DNAH10: variants seen among roughly 807,000 people sequenced by gnomAD.
DNAH10 encodes the protein dynein axonemal heavy chain 10, also known as axonemal beta dynein heavy chain 10.
Under a neutral mutation model 506.6 loss-of-function variants are expected in DNAH10, and 348 were observed. That is an observed-to-expected ratio of 0.69 (90% CI 0.63 to 0.75). The LOEUF is 0.75. Ranked by LOEUF, DNAH10 falls within the 30% of genes least tolerant of loss-of-function variation. The pLI, the probability that DNAH10 is intolerant of heterozygous loss-of-function variation, is 0.00. For synonymous variants in DNAH10, 2,059 were observed against 2,198.6 expected (o/e 0.94, Z 1.78); for missense variants, 5,179 against 5,787.1 (o/e 0.89, Z 3.41).
intron 13 of DNAH10, among the ~76,000 whole-genome samples, chr12:123,798,485 T>G (rs1958360608): frequency 6.6e-6 from 1 of 152,132 alleles, no homozygotes; most frequent in Non-Finnish European, 1.5e-5. Flanking sequence ...AGAGAGGTGG[T>G]GCAAACCATT....
At chr12:123,845,117 C>G (rs1298634675) in intron 30 of DNAH10, among the ~76,000 whole-genome samples, 1 of 151,958 alleles carries the variant, frequency 6.6e-6, no homozygotes, top group Admixed American at 6.6e-5. Flanking sequence ...CTCCAGCGCC[C>G]CTGGAGTAGC....
Position 123,913,450 on chromosome 12 carries a change from TATC to T in DNAH10, c.10352+138_10352+140del, listed in dbSNP as rs1426959720. 2.2e-6 allele frequency: 2 copies of T among 923,776 alleles called. No individual in the cohort carries two copies. The highest frequency in any genetic ancestry group is 3.2e-6 in the Non-Finnish European group (2 of 633,162). The allele number at this position is 923,776 out of a possible 1,614,324, so 57.2% of individuals were successfully genotyped here. ...ATGTGACCAGGTCTTATGTTCCTAT[TATC>T]ATGTTTATGGCAGCTAATGGCTATT... is the stretch of plus-strand genomic sequence containing the variant. On this transcript the variant is annotated intron_variant, in intron 60 of 78. Coordinates refer to ENST00000673944, the MANE Select transcript of DNAH10 (RefSeq NM_001372106.1). The surrounding 1 kb of genome is among the most constrained non-coding windows in gnomAD (Gnocchi z 5.1).
chr12:123,796,320 A>G (rs1453117340), intron 12 of DNAH10, among the ~76,000 whole-genome samples: 1 of 152,006 alleles, frequency 6.6e-6, no homozygotes, highest in Non-Finnish European at 1.5e-5. Flanking sequence ...AGCTGGGCAT[A>G]GTGGTGGGCG....
At chr12:123,777,485 A>G (rs1451687629) in intron 5 of DNAH10, among the ~76,000 whole-genome samples, 3 of 152,202 alleles carry the variant, frequency 2.0e-5, no homozygotes, top group African/African-American at 4.8e-5. Context: ...ACGGAGTACA[A>G]GTCATCCTGT....
chr12:123,934,277 C>T (rs1259089837), intron 77 of DNAH10: 1 of 695,844 alleles, frequency 1.4e-6, no homozygotes, highest in East Asian at 2.7e-5. Flanking sequence ...GGTGCCCATT[C>T]TGACTCTGGG....
At chr12:123,821,237 CGA>C (rs746848656) in intron 24 of DNAH10, among the ~76,000 whole-genome samples, 2 of 149,960 alleles carry the variant, frequency 1.3e-5, no homozygotes, top group Non-Finnish European at 3.0e-5. Context: ...GCGACAAGAG[CGA>C]AACTCCATCT....
Position 123,929,738 on chromosome 12 carries a change from C to T in DNAH10, c.12591C>T (p.Ser4197=), listed in dbSNP as rs1242893906. 6.2e-6 allele frequency: 10 copies of T among 1,612,714 alleles called. No homozygotes were observed. Among genetic ancestry groups the T allele is most frequent in the Non-Finnish European group, 8.5e-6 (10 of 1,179,500 alleles). The change falls in exon 72 of 79, where the codon AGC becomes AGT. Residue 4197 remains serine (S), a synonymous_variant. Transcript: ENST00000673944. ...QQRDPRIPWG[S]LKYLIGEVMY... Reference sequence around the variant, plus strand: ...GGGACCCAAGGATCCCGTGGGGCAGCCTCAAGTACCTAATTGGAGAGGTAG... The same window carrying T: ...GGGACCCAAGGATCCCGTGGGGCAGTCTCAAGTACCTAATTGGAGAGGTAG...
Position 123,799,245 on chromosome 12 carries a change from G to T in DNAH10, c.2164-1G>T, listed in dbSNP as rs776715375. 8 of 1,605,208 alleles carry T rather than the reference G, an allele frequency of 5.0e-6. No homozygotes were observed. Among genetic ancestry groups the T allele is most frequent in the Non-Finnish European group, 6.0e-6 (7 of 1,174,378 alleles). On this transcript the variant is annotated splice_acceptor_variant, in intron 13 of 78. Transcript: ENST00000673944. LOFTEE classifies it high-confidence loss of function. ...TGACGGTTGCTTGAATTCTTTGATA[G>T]GTCAAACAAAAATATTTGGAAGTAG...
At chr12:123,915,260 A>G (rs1954422954) in intron 62 of DNAH10, among the ~76,000 whole-genome samples, 1 of 152,000 alleles carries the variant, frequency 6.6e-6, no homozygotes, top group Non-Finnish European at 1.5e-5. Flanking sequence ...TCCTCTGTCC[A>G]GTACGGGGTT....
intron 5 of DNAH10, among the ~76,000 whole-genome samples, chr12:123,776,772 G>C (rs993466766): frequency 3.3e-5 from 5 of 152,176 alleles, no homozygotes; most frequent in Non-Finnish European, 5.9e-5. Flanking sequence ...GGGGAACTCA[G>C]GGCATCCGTC....
chr12:123,790,792 G>C (rs1025442917), intron 11 of DNAH10, among the ~76,000 whole-genome samples: 1 of 152,176 alleles, frequency 6.6e-6, no homozygotes. Context: ...CAGTAGGCAA[G>C]AGGGTGCCAT....
chr12:123,874,285 A>G (rs1188722646), intron 46 of DNAH10, among the ~76,000 whole-genome samples: 1 of 151,418 alleles, frequency 6.6e-6, no homozygotes, highest in African/African-American at 2.4e-5. Context: ...CCATCCATCC[A>G]TCCATCCATC....
chr12:123,875,124 G>A, intron 46 of DNAH10, 107 bp from the exon 47 acceptor site: 1 of 1,313,162 alleles, frequency 7.6e-7, no homozygotes, highest in Non-Finnish European at 1.0e-6. Flanking sequence ...GAGGTGCCCT[G>A]GAGAGTAACG....
chr12:123,792,286 A>G (rs1373314732), intron 11 of DNAH10, among the ~76,000 whole-genome samples: 2 of 152,084 alleles, frequency 1.3e-5, no homozygotes, highest in South Asian at 2.1e-4. Context: ...TTATTTATGT[A>G]CCCATTGTTA....
In DNAH10 at chr12:123,785,791, C is replaced by G; in HGVS notation, c.1276C>G (p.Pro426Ala). 6.2e-7 allele frequency: 1 copy of G among 1,614,076 alleles called. No homozygotes were observed. The highest frequency in any genetic ancestry group is 8.5e-7 in the Non-Finnish European group (1 of 1,179,958). The change falls in exon 9 of 79, where the codon CCC (proline) becomes GCC (alanine). Residue 426 changes from proline (P) to alanine (A), a missense_variant. Around this residue, in one of 3 missense-constraint regions of DNAH10, gnomAD observed 4,844 missense variants for 5,430.5 expected, o/e 0.89. Transcript: ENST00000673944. The surrounding 1 kb of genome is among the most constrained non-coding windows in gnomAD (Gnocchi z 4.1). ...CTTCCACGTGGTCCTGGACACCATC[C>G]CCGCCATGATGAGTGCCCTGCGGAT... is the stretch of plus-strand genomic sequence containing the variant. ...SGFHVVLDTI[P>A]AMMSALRMVW...
rs1384295699 is a variant in DNAH10, at chr12:123,819,001, A to C, written c.3832A>C (p.Asn1278His). ...LVDKIESIWS[N>H]LFNDSVNVEH... is the part of the protein sequence containing the mutation. ...TGATAAGATTGAGAGCATATGGTCC[A>C]ATCTGTTTAATGATTCAGTGAATGT... The change falls in exon 22 of 79, where the codon AAT (asparagine) becomes CAT (histidine). Residue 1278 changes from asparagine to histidine, a missense_variant. Physicochemically the swap from Asn to His is moderately conservative, Grantham distance 68. Transcript: ENST00000673944. 6.8e-6 allele frequency: 11 copies of C among 1,608,476 alleles called. No homozygotes were observed. Among genetic ancestry groups the C allele is most frequent in the Non-Finnish European group, 7.6e-6 (9 of 1,177,408 alleles).
intron 47 of DNAH10, among the ~76,000 whole-genome samples, chr12:123,875,796 G>GA (rs1318120825): frequency 6.6e-6 from 1 of 152,188 alleles, no homozygotes; most frequent in African/African-American, 2.4e-5. Flanking sequence ...TGACAGCGAA[G>GA]AATCAACTAG....
chr12:123,846,029 G>T lies in DNAH10; in HGVS notation c.5689G>T (p.Glu1897Ter). ...ESQLRFYWDR[E>*]PDELNIRQCT... ...TCAGTTGCGGTTTTATTGGGACCGG[G>T]AGCCGGATGAGCTGAACATCCGCCA... is the stretch of plus-strand genomic sequence containing the variant. The change falls in exon 32 of 79, where the codon GAG becomes TAG. Residue 1897 changes from glutamate (E) to a stop codon, truncating the protein, a stop_gained. Coordinates refer to ENST00000673944, the MANE Select transcript of DNAH10 (RefSeq NM_001372106.1). LOFTEE classifies it high-confidence loss of function. This position sits in a 1 kb window ranked among gnomAD's most constrained non-coding sequence, Gnocchi z 4.5. 1 of 1,614,012 alleles carries T rather than the reference G, an allele frequency of 6.2e-7. No individual in the cohort carries two copies.
chr12:123,819,771 C>G (rs1959218751), intron 23 of DNAH10, among the ~76,000 whole-genome samples: 1 of 138,374 alleles, frequency 7.2e-6, no homozygotes, highest in Non-Finnish European at 1.5e-5. Context: ...GTGGCACAAT[C>G]TCAGCTCACC....
Sources: gnomAD v4.1 joint callset for allele counts (sites outside exome capture counted in the v4.1 genomes callset) on GRCh38, gnomAD v4.1.1 for gene constraint, gnomAD v4.1.1 regional missense constraint, Gnocchi (gnomAD v3.1) non-coding constraint, MANE v1.5 for transcripts, NCBI Gene and HGNC (gene_info 2026-07-23, HGNC 2026-07-21) for gene names.